Variants in GSAP observed in about 807,000 individuals in gnomAD.
GSAP encodes the protein gamma-secretase-activating protein.
GSAP carries 118 observed loss-of-function variants against 131.7 expected under a neutral mutation model. That is an observed-to-expected ratio of 0.90 (90% confidence interval 0.77 to 1.04). GSAP has a LOEUF of 1.04. Ranked by LOEUF, GSAP falls within the 50% of genes least tolerant of loss-of-function variation. The probability of loss-of-function intolerance (pLI) is 0.00; values close to 1 mark genes in which losing one functional copy is unlikely to be tolerated. For missense variants in GSAP, 1,019 were observed against 1,013.2 expected (o/e 1.01, Z -0.08); for synonymous variants, 381 against 363.4 (o/e 1.05, Z -0.55).
In GSAP at chr7:77,374,163, C is replaced by T. The variant is rs778870424; in HGVS notation, c.786-8G>A. 21 of 1,453,148 alleles carry T rather than the reference C, an allele frequency of 1.4e-5. No homozygotes were observed. Among genetic ancestry groups the T allele is most frequent in the Non-Finnish European group, 2.0e-5 (21 of 1,048,246 alleles). 90.0% of individuals were successfully genotyped at this position (1,453,148 alleles called of 1,614,324 possible). ...CATCCAAAGTTGACAAGTCTAAGAA[C>T]ATAAAGAATGAGAAATTATTGAATG... On this transcript the variant is annotated splice_region_variant and splice_polypyrimidine_tract_variant and intron_variant, in intron 11 of 30. Coordinates refer to ENST00000257626, the MANE Select transcript of GSAP (RefSeq NM_017439.4).
upstream of GSAP, chr7:77,416,630 G>A (rs1363490084): frequency 1.1e-5 from 3 of 265,564 alleles, no homozygotes; most frequent in Non-Finnish European, 2.1e-5. Context: ...GCTGAGGATA[G>A]AGGGCGCAAA....
chr7:77,311,424 G>T lies in GSAP; in HGVS notation c.2499C>A (p.Asp833Glu), dbSNP rs1562874062. The T allele has an allele frequency of 5.0e-6, 8 of 1,609,686 alleles. No homozygotes were observed. Among genetic ancestry groups the T allele is most frequent in the Admixed American group, 1.7e-5 (1 of 59,992 alleles). The change falls in exon 31 of 31, where the codon GAC becomes GAA. Residue 833 changes from aspartate to glutamate, a missense_variant. By Grantham distance (45) the Asp-to-Glu change is conservative. Coordinates refer to ENST00000257626, the MANE Select transcript of GSAP (RefSeq NM_017439.4). ...NQALYPFEGH[D>E]NVDAEFVEEA... ...CCTCTACAAATTCTGCATCCACATTGTCATGTCCTTCAAAAGGATACAGGG... is the reference window on the plus strand; with the variant it reads ...CCTCTACAAATTCTGCATCCACATTTTCATGTCCTTCAAAAGGATACAGGG...
chr7:77,389,310 GT>G (rs1314826815), intron 5 of GSAP, among the ~76,000 whole-genome samples: 1 of 142,102 alleles, frequency 7.0e-6, no homozygotes, highest in Non-Finnish European at 1.5e-5. Flanking sequence ...TATATTTTTT[GT>G]TTGTTTGTTT....
At chr7:77,356,460 T>C (rs1056303642) in intron 14 of GSAP, among the ~76,000 whole-genome samples, 2 of 152,230 alleles carry the variant, frequency 1.3e-5, no homozygotes, top group African/African-American at 4.8e-5. Flanking sequence ...CCAGTGATCA[T>C]CATTATCATC....
intron 23 of GSAP, 83 bp from the exon 24 acceptor site, chr7:77,323,825 A>G (rs1213442693): frequency 1.8e-6 from 1 of 571,284 alleles, no homozygotes; most frequent in African/African-American, 1.9e-5. Flanking sequence ...ACTTATTAAC[A>G]TTCTTCATCA....
intron 3 of GSAP, among the ~76,000 whole-genome samples, chr7:77,400,952 T>TA (rs1801211566): frequency 6.6e-6 from 1 of 151,660 alleles, no homozygotes; most frequent in African/African-American, 2.4e-5. Context: ...TTTTTTTTTT[T>TA]TTAACAAAAC....
intron 12 of GSAP, among the ~76,000 whole-genome samples, 185 bp from the exon 13 acceptor site, chr7:77,362,845 T>C (rs1211535219): frequency 6.6e-6 from 1 of 152,230 alleles, no homozygotes; most frequent in Non-Finnish European, 1.5e-5. Context: ...AGTAATTTTT[T>C]AGTGCACACT....
chr7:77,363,666 T>G (rs1794852084), intron 12 of GSAP, among the ~76,000 whole-genome samples: 1 of 152,226 alleles, frequency 6.6e-6, no homozygotes, highest in African/African-American at 2.4e-5. Context: ...TTATAATATT[T>G]ATCAATTATG....
At position 77,310,788 on chromosome 7, in the gene GSAP, C is replaced by T. The variant is rs1794273036; in HGVS notation, c.*570G>A. On this transcript the variant is annotated 3_prime_UTR_variant, in exon 31 of 31. Coordinates refer to ENST00000257626, the MANE Select transcript of GSAP (RefSeq NM_017439.4). ...TTTTTTAATGACTGACAAAATATTC[C>T]TAAATCAACCTTTTATAAATAAAAA... is the stretch of plus-strand genomic sequence containing the variant. 6.6e-6 allele frequency: 1 copy of T among 151,876 alleles called. No individual in the cohort carries two copies. The highest frequency in any genetic ancestry group is 2.1e-4 in the South Asian group (1 of 4,760). The allele number at this position is 151,876 out of a possible 1,614,324, so 9.4% of individuals were successfully genotyped here.
intron 22 of GSAP, among the ~76,000 whole-genome samples, chr7:77,327,780 C>A (rs1562909041): frequency 1.3e-5 from 2 of 152,168 alleles, no homozygotes; most frequent in Non-Finnish European, 2.9e-5. Flanking sequence ...ACTTAACTCA[C>A]CTGTCAGCCC....
chr7:77,345,255 T>C lies in GSAP; in HGVS notation c.1545+4096A>G, dbSNP rs372108545. 2.1e-4 allele frequency among the ~76,000 whole-genome samples: 32 copies of C among 152,238 alleles called. No homozygotes were observed. In the East Asian group the frequency reaches 4.8e-3, roughly 23 times the overall value. On this transcript the variant is annotated intron_variant, in intron 19 of 30. Coordinates refer to ENST00000257626, the MANE Select transcript of GSAP (RefSeq NM_017439.4). ...TGCTCCTTCTAACAACCCCACAATATCACCCCTTACCACAAAATCTTCCTT... is the reference window on the plus strand; with the variant it reads ...TGCTCCTTCTAACAACCCCACAATACCACCCCTTACCACAAAATCTTCCTT...
chr7:77,343,806 T>C (rs527409468), intron 19 of GSAP, among the ~76,000 whole-genome samples: 2 of 152,336 alleles, frequency 1.3e-5, no homozygotes, highest in South Asian at 2.1e-4. Flanking sequence ...CTGTCATCAT[T>C]TCATAACCTC....
intron 5 of GSAP, 93 bp downstream of exon 5, chr7:77,396,889 T>C: frequency 2.9e-6 from 2 of 681,400 alleles, no homozygotes; most frequent in Non-Finnish European, 5.0e-6. Flanking sequence ...AGGCTATTTC[T>C]AAAGATGCTT....
intron 19 of GSAP, among the ~76,000 whole-genome samples, chr7:77,348,708 CT>C (rs908850449): frequency 5.9e-5 from 9 of 152,162 alleles, no homozygotes; most frequent in Non-Finnish European, 1.2e-4. Context: ...CATACATATC[CT>C]TTTCTACTCA....
At chr7:77,382,197 TC>T (rs956977736) in intron 7 of GSAP, among the ~76,000 whole-genome samples, 1 of 151,902 alleles carries the variant, frequency 6.6e-6, no homozygotes, top group African/African-American at 2.4e-5. Context: ...ACTAAAATCT[TC>T]CCCTCTCTCC....
chr7:77,332,747 T>A (rs1187920480), intron 19 of GSAP, among the ~76,000 whole-genome samples: 1 of 152,184 alleles, frequency 6.6e-6, no homozygotes, highest in African/African-American at 2.4e-5. Flanking sequence ...AACTTACATG[T>A]TTTTTAGGAG....
At chr7:77,394,506 T>C (rs1800056736) in intron 5 of GSAP, among the ~76,000 whole-genome samples, 1 of 152,214 alleles carries the variant, frequency 6.6e-6, no homozygotes, top group Non-Finnish European at 1.5e-5. Flanking sequence ...AAATCTCTGC[T>C]TCAGGCACAG....
chr7:77,356,334 T>C (rs1793725598), intron 14 of GSAP, among the ~76,000 whole-genome samples: 1 of 152,210 alleles, frequency 6.6e-6, no homozygotes, highest in African/African-American at 2.4e-5. Context: ...AATAAAAATA[T>C]CAAGCAACAC....
intron 19 of GSAP, chr7:77,331,664 C>A (rs1249876670): frequency 6.6e-6 from 1 of 152,058 alleles, no homozygotes; most frequent in Non-Finnish European, 1.5e-5. Flanking sequence ...AAGTAAGTAA[C>A]ATAATATTAA....
Sources: allele counts gnomAD v4.1 joint callset (sites outside exome capture counted in the v4.1 genomes callset), GRCh38; gene constraint gnomAD v4.1.1; transcripts MANE v1.5; gene names NCBI Gene and HGNC (gene_info 2026-07-23, HGNC 2026-07-21).